METTL14: variants seen among roughly 807,000 people sequenced by gnomAD.
The protein encoded by METTL14 is N(6)-adenosine-methyltransferase non-catalytic subunit METTL14.
Under a neutral mutation model 62.4 loss-of-function variants are expected in METTL14, and 32 were observed. The observed-to-expected ratio is 0.51, with a 90% CI of 0.39 to 0.69. The LOEUF is 0.69. Among genes scored for constraint, METTL14 ranks in the 30% least tolerant of loss-of-function variants. The probability of loss-of-function intolerance (pLI) is 0.00; values close to 1 mark genes in which losing one functional copy is unlikely to be tolerated. For synonymous variants in METTL14, 150 were observed against 180.0 expected, an observed-to-expected ratio of 0.83 and a Z score of 1.34; for missense variants, 340 against 551.9, an observed-to-expected ratio of 0.62 and a Z score of 3.85.
intron 1 of METTL14, among the ~76,000 whole-genome samples, chr4:118,687,570 A>G (rs1225092125): frequency 6.6e-6 from 1 of 152,226 alleles, no homozygotes; most frequent in African/African-American, 2.4e-5. Context: ...ATAAGTGGAA[A>G]ATATTGTAAC....
chr4:118,690,035 CTTTTTTTT>C lies in METTL14; in HGVS notation c.243+592_243+599del, dbSNP rs70941200. 3.5e-5 allele frequency among the ~76,000 whole-genome samples: 3 copies of C among 86,656 alleles called. No homozygotes were observed. The East Asian group carries it at 1.1e-3, about 32-fold the overall frequency. 56.8% of individuals were successfully genotyped at this position (86,656 alleles called of 152,430 possible). A position where few individuals can be genotyped will look rare whatever the true frequency, so the allele number is the denominator to read the frequency against. ...CTGGTAAGAACTAGGTAATAATATT[CTTTTTTTT>C]TTTTTTTTTTTTTGTGAGACAGAGT... On this transcript the variant is annotated intron_variant, in intron 3 of 10. Transcript: ENST00000388822.
In METTL14 at chr4:118,700,606, G is replaced by A; in HGVS notation, c.702G>A (p.Trp234Ter). The A allele has an allele frequency of 6.2e-7, 1 of 1,612,874 alleles. No individual in the cohort carries two copies. The highest frequency in any genetic ancestry group is 8.5e-7 in the Non-Finnish European group (1 of 1,179,234). The change falls in exon 8 of 11, where the codon TGG becomes TGA. Residue 234 changes from tryptophan (W) to a stop codon, truncating the protein, a stop_gained. Transcript: ENST00000388822. LOFTEE classifies it high-confidence loss of function. Reference sequence around the variant, plus strand: ...CACCTCGATCATTTATTTTTCTCTGGTGTGGTTCTGGGGAGGGGTTGGACC... The same window carrying A: ...CACCTCGATCATTTATTTTTCTCTGATGTGGTTCTGGGGAGGGGTTGGACC... ...IAAPRSFIFL[W>*]CGSGEGLDLG...
intron 3 of METTL14, 159 bp downstream of exon 3, chr4:118,689,616 T>C: frequency 4.5e-6 from 2 of 445,906 alleles, no homozygotes; most frequent in Non-Finnish European, 8.2e-6. Context: ...AAGACCATTA[T>C]ATCAGTTTTC....
intron 7 of METTL14, among the ~76,000 whole-genome samples, chr4:118,699,605 T>A (rs981336847): frequency 6.6e-6 from 1 of 152,218 alleles, no homozygotes; most frequent in South Asian, 2.1e-4. Context: ...TGAATCTGAT[T>A]ATGTTCTTTA....
chr4:118,706,158 G>A (rs1403463000), intron 10 of METTL14, among the ~76,000 whole-genome samples: 1 of 152,144 alleles, frequency 6.6e-6, no homozygotes, highest in Non-Finnish European at 1.5e-5. Context: ...TAGTAATTCT[G>A]TGAGTTTGGA....
rs1373122413 is a variant in METTL14, at chr4:118,712,179, A to G, written c.*1877A>G. ...TGGAATTGATTCACTAGTTTTTGCT[A>G]ACTTTCACTTTCAGTAAAGGTTGAG... On this transcript the variant is annotated 3_prime_UTR_variant, in exon 11 of 11. Coordinates refer to ENST00000388822, the MANE Select transcript of METTL14 (RefSeq NM_020961.4). 1 of 152,212 alleles carries G rather than the reference A, an allele frequency of 6.6e-6. No individual in the cohort carries two copies. The highest frequency in any genetic ancestry group is 2.4e-5 in the African/African-American group (1 of 41,450). The allele number at this position is 152,212 out of a possible 1,614,324, so 9.4% of individuals were successfully genotyped here. A position where few individuals can be genotyped will look rare whatever the true frequency, so the allele number is the denominator to read the frequency against.
intron 8 of METTL14, among the ~76,000 whole-genome samples, chr4:118,701,187 T>TTG (rs1401672503): frequency 2.7e-5 from 4 of 150,046 alleles, no homozygotes; most frequent in Admixed American, 6.6e-5. Context: ...TTTTTTGTTT[T>TTG]TTTTTGTTTT....
In METTL14 at chr4:118,709,987, C is replaced by A; in HGVS notation, c.1067-11C>A. On this transcript the variant is annotated splice_polypyrimidine_tract_variant and intron_variant, in intron 10 of 10. Coordinates refer to ENST00000388822, the MANE Select transcript of METTL14 (RefSeq NM_020961.4). ...AAATAAAAAGTATAATCTTTTTTTC[C>A]TCCATTTCAGGCTGGCTCACAGTTG... 1 of 1,569,020 alleles carries A rather than the reference C, an allele frequency of 6.4e-7. No homozygotes were observed. The highest frequency in any genetic ancestry group is 1.2e-5 in the South Asian group (1 of 84,506).
chr4:118,686,666 C>T (rs1403473935), intron 1 of METTL14: 4 of 455,778 alleles, frequency 8.8e-6, no homozygotes, highest in South Asian at 1.6e-5. Flanking sequence ...GTCTTCTTTT[C>T]GCCAACTTCT....
chr4:118,702,118 CTTTT>C (rs70944803), intron 8 of METTL14, among the ~76,000 whole-genome samples: 1 of 128,658 alleles, frequency 7.8e-6, no homozygotes, highest in Non-Finnish European at 1.7e-5. Context: ...AGGTTTTTAT[CTTTT>C]TTTTTTTTTT....
At chr4:118,697,393 G>C (rs1315451954) in intron 7 of METTL14, 70 bp downstream of exon 7, 16 of 1,315,922 alleles carry the variant, frequency 1.2e-5, no homozygotes, top group Non-Finnish European at 1.5e-5. Context: ...TGGTCAGAAA[G>C]TGAGATAATA....
At chr4:118,696,221 T>G (rs1223518346) in intron 6 of METTL14, among the ~76,000 whole-genome samples, 1 of 151,574 alleles carries the variant, frequency 6.6e-6, no homozygotes, top group African/African-American at 2.4e-5. Context: ...TACTCTAATA[T>G]TCATCGTATT....
rs574438152 is a variant in METTL14 at position 118,713,443 on chromosome 4, T to C, written c.*3141T>C. On this transcript the variant is annotated 3_prime_UTR_variant, in exon 11 of 11. Transcript: ENST00000388822. ...TTTAAAACCTGTACTGTTTTCATCC[T>C]GAATTTAGAACATAAGATTTAGCCT... 1 of 152,352 alleles carries C rather than the reference T, an allele frequency of 6.6e-6. No homozygotes were observed. The highest frequency in any genetic ancestry group is 1.9e-4 in the East Asian group (1 of 5,188). The allele number at this position is 152,352 out of a possible 1,614,324, so 9.4% of individuals were successfully genotyped here.
At position 118,705,098 on chromosome 4, in the gene METTL14, C is replaced by T. The variant is rs548370851; in HGVS notation, c.856-513C>T. Among the ~76,000 whole-genome samples, 5 of 152,232 alleles carry T rather than the reference C, an allele frequency of 3.3e-5. No individual in the cohort carries two copies. In the East Asian group the frequency reaches 9.6e-4, roughly 29 times the overall value. ...CTGAAAATACTGAGTGTTGTGAGTG[C>T]GTAGAAGAGTTTGTTTTTCTTATTT... On this transcript the variant is annotated intron_variant, in intron 9 of 10. Coordinates refer to ENST00000388822, the MANE Select transcript of METTL14 (RefSeq NM_020961.4).
chr4:118,697,808 A>G (rs1724459693), intron 7 of METTL14, among the ~76,000 whole-genome samples: 1 of 152,140 alleles, frequency 6.6e-6, no homozygotes, highest in African/African-American at 2.4e-5. Flanking sequence ...ATAAGATGAC[A>G]TGAGAGCAAC....
At chr4:118,701,880 G>A (rs1724601773) in intron 8 of METTL14, among the ~76,000 whole-genome samples, 1 of 152,134 alleles carries the variant, frequency 6.6e-6, no homozygotes, top group Non-Finnish European at 1.5e-5. Context: ...TAGTAAGGCT[G>A]TTGGGTAACA....
chr4:118,687,281 C>T (rs1471203259), intron 1 of METTL14, among the ~76,000 whole-genome samples: 6 of 152,136 alleles, frequency 3.9e-5, no homozygotes, highest in Non-Finnish European at 5.9e-5. Context: ...AATCGGAATG[C>T]TTCAGTGACC....
Position 118,710,492 on chromosome 4 carries a change from A to G in METTL14, c.*190A>G. The G allele has an allele frequency of 6.9e-6, 4 of 579,204 alleles. No homozygotes were observed. The highest frequency in any genetic ancestry group is 1.2e-5 in the Non-Finnish European group (4 of 334,096). 35.9% of individuals were successfully genotyped at this position (579,204 alleles called of 1,614,324 possible). A position where few individuals can be genotyped will look rare whatever the true frequency, so the allele number is the denominator to read the frequency against. ...CACTGTCTGGTTTTTTTCAGGATAA[A>G]TGAATGATTCTGCCTTTTGTTATGT... On this transcript the variant is annotated 3_prime_UTR_variant, in exon 11 of 11. Coordinates refer to ENST00000388822, the MANE Select transcript of METTL14 (RefSeq NM_020961.4).
At chr4:118,704,551 T>G (rs1000726918) in intron 9 of METTL14, among the ~76,000 whole-genome samples, 27 of 152,268 alleles carry the variant, frequency 1.8e-4, no homozygotes, top group African/African-American at 6.3e-4. Flanking sequence ...TTATTAAGTC[T>G]TTTTTGTACT....
Sources: gnomAD v4.1 joint callset for allele counts (sites outside exome capture counted in the v4.1 genomes callset) on GRCh38, gnomAD v4.1.1 for gene constraint, MANE v1.5 for transcripts, NCBI Gene and HGNC (gene_info 2026-07-23, HGNC 2026-07-21) for gene names.